CEP135: variants seen among roughly 807,000 people sequenced by gnomAD.
CEP135 encodes the protein centrosomal protein 135, also known as centrosomal protein of 135 kDa.
A neutral mutation model predicts 157.3 loss-of-function variants in CEP135; 142 were observed. The ratio of observed to expected loss-of-function variants is 0.90; its 90% CI spans 0.79 to 1.04. The LOEUF (loss-of-function observed/expected upper bound fraction) is 1.04, where lower values mean the gene tolerates loss of function less well. Among genes scored for constraint, CEP135 ranks in the 50% least tolerant of loss-of-function variants. The pLI is 0.00. For missense variants in CEP135, 1,317 were observed against 1,309.2 expected (o/e 1.01, Z -0.09); for synonymous variants, 396 against 439.8 (o/e 0.90, Z 1.25).
In CEP135 at chr4:55,974,850, G is replaced by C; in HGVS notation, c.1354G>C (p.Glu452Gln). 3 of 1,613,810 alleles carry C rather than the reference G, an allele frequency of 1.9e-6. No homozygotes were observed. The highest frequency in any genetic ancestry group is 2.5e-6 in the Non-Finnish European group (3 of 1,179,834). Residue 452 changes from glutamate (E) to glutamine (Q), a missense_variant, in exon 11 of 26, where the codon GAA (glutamate) becomes CAA (glutamine). Physicochemically the swap from Glu to Gln is conservative, Grantham distance 29 (BLOSUM62 2). Transcript: ENST00000257287. ...AGATACATTTCTGAAAGGTATAGAAGAAGAACGAGATTATTATAAGAAAGA... is the reference window on the plus strand; with the variant it reads ...AGATACATTTCTGAAAGGTATAGAACAAGAACGAGATTATTATAAGAAAGA... Reference protein sequence around the residue: ...RLDTFLKGIEEERDYYKKELE... With the variant: ...RLDTFLKGIEQERDYYKKELE...
chr4:55,992,368 T>C (rs1198006907), intron 15 of CEP135, among the ~76,000 whole-genome samples: 1 of 152,216 alleles, frequency 6.6e-6, no homozygotes, highest in Non-Finnish European at 1.5e-5. Context: ...TCAACCTTCT[T>C]TTGAAATCCT....
At chr4:55,960,690 C>T (rs1037725728) in intron 6 of CEP135, 1 of 151,692 alleles carries the variant, frequency 6.6e-6, no homozygotes, top group African/African-American at 2.4e-5. Context: ...TTTGGGAGGC[C>T]GAGGCGGGTG....
chr4:55,998,384 A>T (rs1456768800), intron 15 of CEP135, among the ~76,000 whole-genome samples: 1 of 152,132 alleles, frequency 6.6e-6, no homozygotes, highest in South Asian at 2.1e-4. Context: ...CTGACAAATA[A>T]TCCTACTGAT....
In CEP135 at chr4:55,991,943, G is replaced by A. The variant is rs372965500; in HGVS notation, c.1867G>A (p.Glu623Lys). 1.2e-4 allele frequency: 175 copies of A among 1,468,718 alleles called. No individual in the cohort carries two copies. The African/African-American group carries it at 1.5e-3, about 13-fold the overall frequency. 91.0% of individuals were successfully genotyped at this position (1,468,718 alleles called of 1,614,324 possible). A position where few individuals can be genotyped will look rare whatever the true frequency, so the allele number is the denominator to read the frequency against. Residue 623 changes from glutamate (E) to lysine (K), a missense_variant, in exon 15 of 26, where the codon GAA (glutamate) becomes AAA (lysine). Coordinates refer to ENST00000257287, the MANE Select transcript of CEP135 (RefSeq NM_025009.5). The part of the protein sequence containing the change: ...LTCVNHQLES[E>K]KYELKSKVLI... The stretch of plus-strand genomic sequence containing the variant: ...TTTATTTAAATTATAGCTTGAAAGC[G>A]AAAAATATGAATTAAAGTCTAAAGT...
intron 22 of CEP135, among the ~76,000 whole-genome samples, chr4:56,018,239 C>T (rs1421170204): frequency 1.3e-5 from 2 of 152,094 alleles, no homozygotes; most frequent in Non-Finnish European, 1.5e-5. Flanking sequence ...CTTGGCCTCC[C>T]AAAGTTCTGG....
chr4:55,998,633 G>A (rs1378187131), intron 15 of CEP135, among the ~76,000 whole-genome samples: 3 of 152,190 alleles, frequency 2.0e-5, no homozygotes, highest in African/African-American at 7.2e-5. Flanking sequence ...GGGAGACCGA[G>A]GCAGATGGAT....
chr4:56,016,495 G>T (rs748751189), intron 21 of CEP135, among the ~76,000 whole-genome samples: 6 of 151,820 alleles, frequency 4.0e-5, no homozygotes, highest in Non-Finnish European at 5.9e-5. Context: ...GTTCATGTTC[G>T]TATGTGGTAT....
chr4:55,995,610 A>G (rs530224642), intron 15 of CEP135, among the ~76,000 whole-genome samples: 2 of 152,288 alleles, frequency 1.3e-5, no homozygotes, highest in South Asian at 4.1e-4. Context: ...ATTTCATATA[A>G]TTTTCATATG....
chr4:56,020,637 C>T (rs367676546), intron 23 of CEP135, 39 bp from the exon 24 acceptor site: 55 of 1,560,916 alleles, frequency 3.5e-5, no homozygotes, highest in African/African-American at 2.8e-4. Flanking sequence ...CTCTACAAAA[C>T]GGAACGTTTA....
intron 14 of CEP135, among the ~76,000 whole-genome samples, chr4:55,988,270 T>A (rs1458852756): frequency 6.6e-6 from 1 of 152,104 alleles, no homozygotes; most frequent in East Asian, 1.9e-4. Flanking sequence ...TCTTAAAATT[T>A]ACTTGAAAGC....
chr4:55,988,314 A>G (rs1729666446), intron 14 of CEP135, among the ~76,000 whole-genome samples: 1 of 152,142 alleles, frequency 6.6e-6, no homozygotes. Context: ...GTTTTAAAGA[A>G]GAACATGGTG....
intron 17 of CEP135, among the ~76,000 whole-genome samples, chr4:56,006,794 G>A (rs2109725400): frequency 6.6e-6 from 1 of 152,206 alleles, no homozygotes; most frequent in South Asian, 2.1e-4. Context: ...AGAGTTCATG[G>A]TCCCCTGTTT....
chr4:55,949,714 C>T (rs2702323), intron 1 of CEP135, among the ~76,000 whole-genome samples: 9,990 of 152,272 alleles, frequency 0.066, 483 homozygotes, highest in African/African-American at 0.12. Context: ...GGGGGACCCC[C>T]AAACCTAACC....
At chr4:55,982,367 G>A (rs768012587) in intron 13 of CEP135, among the ~76,000 whole-genome samples, 10 of 152,212 alleles carry the variant, frequency 6.6e-5, no homozygotes, top group South Asian at 2.1e-4. Flanking sequence ...AACCATTGAA[G>A]CCAAGCTGTT....
At chr4:55,996,714 CTTT>C (rs750105795) in intron 15 of CEP135, among the ~76,000 whole-genome samples, 2 of 143,894 alleles carry the variant, frequency 1.4e-5, no homozygotes. Flanking sequence ...CAGTCTCCGT[CTTT>C]TTTTTTTTTT....
chr4:56,028,174 G>T (rs1731217351), intron 25 of CEP135, among the ~76,000 whole-genome samples: 2 of 152,254 alleles, frequency 1.3e-5, no homozygotes, highest in South Asian at 4.1e-4. Flanking sequence ...GAGTAATGCT[G>T]CTCTGAGCAT....
At chr4:55,967,750 A>G (rs1355691280) in intron 8 of CEP135, among the ~76,000 whole-genome samples, 3 of 152,168 alleles carry the variant, frequency 2.0e-5, no homozygotes, top group African/African-American at 7.2e-5. Flanking sequence ...CACCTCTACT[A>G]ATTAGTGGAA....
rs570628110 is a variant in CEP135, at chr4:55,983,823, A to C, written c.1780-1458A>C. Among the ~76,000 whole-genome samples the C allele has an allele frequency of 3.3e-5, 5 of 152,190 alleles. No individual in the cohort carries two copies. The South Asian group carries it at 8.3e-4, about 25-fold the overall frequency. On this transcript the variant is annotated intron_variant, in intron 13 of 25. Coordinates refer to ENST00000257287, the MANE Select transcript of CEP135 (RefSeq NM_025009.5). ...GCATGAGCCACCATGCCCGACCTGT[A>C]ATAGCCTTTTTTAATAGGTACTGCT... is the stretch of plus-strand genomic sequence containing the variant.
intron 17 of CEP135, among the ~76,000 whole-genome samples, chr4:56,002,644 A>C (rs776350908): frequency 6.6e-6 from 1 of 152,092 alleles, no homozygotes; most frequent in Non-Finnish European, 1.5e-5. Flanking sequence ...GTTTGCTAGT[A>C]TTGTGTTGAG....
Sources: allele counts gnomAD v4.1 joint callset (sites outside exome capture counted in the v4.1 genomes callset), GRCh38; gene constraint gnomAD v4.1.1; transcripts MANE v1.5; gene names NCBI Gene and HGNC (gene_info 2026-07-23, HGNC 2026-07-21).